Variants in TLL2 observed in about 807,000 individuals in gnomAD.
TLL2 encodes tolloid-like protein 2.
TLL2 carries 106 observed loss-of-function variants against 123.0 expected under a neutral mutation model. The observed-to-expected ratio is 0.86, with a 90% CI of 0.74 to 1.01. The LOEUF (loss-of-function observed/expected upper bound fraction) is 1.01, where lower values mean the gene tolerates loss of function less well. Ranked by LOEUF, TLL2 falls within the 50% of genes least tolerant of loss-of-function variation. The probability of loss-of-function intolerance (pLI) is 0.00; values close to 1 mark genes in which losing one functional copy is unlikely to be tolerated. For synonymous variants in TLL2, 494 were observed against 516.8 expected (o/e 0.96, Z 0.60); for missense variants, 1,332 against 1,336.7 (o/e 1.00, Z 0.06).
intron 16 of TLL2, among the ~76,000 whole-genome samples, chr10:96,379,714 C>T (rs1173280997): frequency 2.6e-5 from 4 of 152,108 alleles, no homozygotes; most frequent in Non-Finnish European, 4.4e-5. Flanking sequence ...CCCAGCTACG[C>T]GGGAGGCTGA....
intron 18 of TLL2, chr10:96,374,588 G>A (rs11818942): frequency 0.14 from 21,176 of 152,304 alleles, 1,651 homozygotes; most frequent in African/African-American, 0.2. Flanking sequence ...AGGAAGAGCT[G>A]TTATTATTTC....
chr10:96,379,995 G>A (rs1846171768), intron 16 of TLL2, among the ~76,000 whole-genome samples: 1 of 152,248 alleles, frequency 6.6e-6, no homozygotes, highest in Non-Finnish European at 1.5e-5. Flanking sequence ...CAGAGGGCCA[G>A]CCCTACCGCA....
intron 17 of TLL2, 143 bp from the exon 18 acceptor site, chr10:96,376,962 G>C: frequency 1.5e-6 from 1 of 669,564 alleles, no homozygotes; most frequent in Non-Finnish European, 2.3e-6. Context: ...TCCTGAATCA[G>C]GTATCTCCTG....
rs1846043162 is a variant in TLL2, at chr10:96,367,826, C to T, written c.*262G>A. On this transcript the variant is annotated 3_prime_UTR_variant, in exon 21 of 21. Coordinates refer to ENST00000357947, the MANE Select transcript of TLL2 (RefSeq NM_012465.4). Reference sequence around the variant, plus strand: ...GAAGCATAGCCGGAATGGTCAGTGACTTCAATCCTAATCTTTAACACTTTA... The same window carrying T: ...GAAGCATAGCCGGAATGGTCAGTGATTTCAATCCTAATCTTTAACACTTTA... 2 of 398,794 alleles carry T rather than the reference C, an allele frequency of 5.0e-6. No homozygotes were observed. The highest frequency in any genetic ancestry group is 4.6e-6 in the Non-Finnish European group (1 of 217,218). 24.7% of individuals were successfully genotyped at this position (398,794 alleles called of 1,614,324 possible).
intron 8 of TLL2, among the ~76,000 whole-genome samples, chr10:96,411,887 C>T (rs1292124911): frequency 6.6e-6 from 1 of 152,146 alleles, no homozygotes; most frequent in Non-Finnish European, 1.5e-5. Flanking sequence ...CATTACTGAA[C>T]AACTGCCAGG....
Position 96,405,295 on chromosome 10 carries a change from G to A in TLL2, c.1204C>T (p.Arg402Ter), listed in dbSNP as rs749171000. Residue 402 changes from arginine to a stop codon, truncating the protein, a stop_gained, in exon 10 of 21, where the codon CGA (arginine) becomes TGA (stop). Coordinates refer to ENST00000357947, the MANE Select transcript of TLL2 (RefSeq NM_012465.4). LOFTEE classifies it high-confidence loss of function. The part of the protein sequence containing the change: ...NFTSMDLFKS[R>*]LCWYDYVEVR... The stretch of plus-strand genomic sequence containing the variant: ...TCCACGTAATCATACCAGCACAGTC[G>A]GCTTTTAAACAAATCCATGGATGTG... The A allele has an allele frequency of 1.4e-5, 22 of 1,613,970 alleles. No individual in the cohort carries two copies. Among genetic ancestry groups the A allele is most frequent in the Admixed American group, 6.7e-5 (4 of 59,988 alleles).
At chr10:96,373,860 G>T (rs1233240166) in intron 18 of TLL2, 51 bp from the exon 19 acceptor site, 1 of 1,556,650 alleles carries the variant, frequency 6.4e-7, no homozygotes, top group Non-Finnish European at 8.8e-7. Flanking sequence ...TTCAGCTGGG[G>T]TGGGGGCCTC....
intron 6 of TLL2, 30 bp downstream of exon 6, chr10:96,422,519 G>A (rs765886298): frequency 1.2e-6 from 2 of 1,612,526 alleles, no homozygotes; most frequent in South Asian, 2.2e-5. Context: ...CTCGACCGGT[G>A]CCTTCCAGAC....
At position 96,387,012 on chromosome 10, in the gene TLL2, C is replaced by A; in HGVS notation, c.1793G>T (p.Ser598Ile). ...CEHRCVNTLGSYKCACDPGYE... is the reference protein window; with the variant it reads ...CEHRCVNTLGIYKCACDPGYE... ...GCCAGGGTCACAGGCACACTTGTAGCTGCCCAGCGTGTTCACACAGCGATG... is the reference window on the plus strand; with the variant it reads ...GCCAGGGTCACAGGCACACTTGTAGATGCCCAGCGTGTTCACACAGCGATG... The change falls in exon 14 of 21, where the codon AGC becomes ATC. Residue 598 changes from serine to isoleucine, a missense_variant. Ser to Ile is a moderately radical substitution (Grantham distance 142). Coordinates refer to ENST00000357947, the MANE Select transcript of TLL2 (RefSeq NM_012465.4). 1 of 1,614,142 alleles carries A rather than the reference C, an allele frequency of 6.2e-7. No individual in the cohort carries two copies.
Position 96,513,492 on chromosome 10 carries a change from C to A in TLL2, c.175+19G>T. 3.7e-6 allele frequency: 6 copies of A among 1,611,624 alleles called. No individual in the cohort carries two copies. Among genetic ancestry groups the A allele is most frequent in the Middle Eastern group, 1.7e-4 (1 of 6,058 alleles). Reference sequence around the variant, plus strand: ...TCAAAGGCAAACTTCTGCGGGACTTCCCCAGCGGCGGCACCTACCGGCTTT... The same window carrying A: ...TCAAAGGCAAACTTCTGCGGGACTTACCCAGCGGCGGCACCTACCGGCTTT... On this transcript the variant is annotated intron_variant, in intron 1 of 20. Coordinates refer to ENST00000357947, the MANE Select transcript of TLL2 (RefSeq NM_012465.4).
intron 3 of TLL2, among the ~76,000 whole-genome samples, chr10:96,436,063 G>A (rs947614995): frequency 6.6e-6 from 1 of 152,086 alleles, no homozygotes; most frequent in Non-Finnish European, 1.5e-5. Flanking sequence ...TATTCTTCAT[G>A]GTAGGGGTTA....
At chr10:96,486,861 A>T (rs533406236) in intron 1 of TLL2, among the ~76,000 whole-genome samples, 4 of 151,082 alleles carry the variant, frequency 2.6e-5, no homozygotes, top group African/African-American at 9.7e-5. Context: ...CTGCTGGGAA[A>T]CTCCTCCCAC....
chr10:96,367,883 A>G lies in TLL2; in HGVS notation c.*205T>C. 1.7e-6 allele frequency: 1 copy of G among 590,530 alleles called. No individual in the cohort carries two copies. Among genetic ancestry groups the G allele is most frequent in the Admixed American group, 3.0e-5 (1 of 33,056 alleles). The allele number at this position is 590,530 out of a possible 1,614,324, so 36.6% of individuals were successfully genotyped here. A position where few individuals can be genotyped will look rare whatever the true frequency, so the allele number is the denominator to read the frequency against. ...CATGAATGATAACATTGCAGACAGA[A>G]GCAAAAGAACATTTTTCTCTCCACC... On this transcript the variant is annotated 3_prime_UTR_variant, in exon 21 of 21. Coordinates refer to ENST00000357947, the MANE Select transcript of TLL2 (RefSeq NM_012465.4).
intron 3 of TLL2, among the ~76,000 whole-genome samples, chr10:96,440,339 A>G (rs1846839354): frequency 6.6e-6 from 1 of 152,250 alleles, no homozygotes; most frequent in Admixed American, 6.5e-5. Context: ...TGTATGAATT[A>G]AAGAAGGGAT....
At chr10:96,510,106 G>A (rs944731326) in intron 1 of TLL2, among the ~76,000 whole-genome samples, 2 of 152,160 alleles carry the variant, frequency 1.3e-5, no homozygotes, top group African/African-American at 2.4e-5. Flanking sequence ...TGAGTAAGGC[G>A]GGGCAGGGTC....
In TLL2 at chr10:96,428,732, A is replaced by G; in HGVS notation, c.537T>C (p.Ile179=). 1 of 1,613,230 alleles carries G rather than the reference A, an allele frequency of 6.2e-7. No homozygotes were observed. The highest frequency in any genetic ancestry group is 8.5e-7 in the Non-Finnish European group (1 of 1,179,520). ...CCCAGTGTCTCATGGCCTGCTTAAAAATGGCCCTCTGGCTCCCTGAAACAA... is the reference window on the plus strand; with the variant it reads ...CCCAGTGTCTCATGGCCTGCTTAAAGATGGCCCTCTGGCTCCCTGAAACAA... The part of the protein sequence containing the change: ...GGNFTGSQRA[I]FKQAMRHWEK... Residue 179 remains isoleucine, a synonymous_variant, in exon 5 of 21, where the codon ATT becomes ATC. Coordinates refer to ENST00000357947, the MANE Select transcript of TLL2 (RefSeq NM_012465.4).
intron 2 of TLL2, among the ~76,000 whole-genome samples, chr10:96,476,248 T>TTTTTTTTTTTTTTTTTGTTG (rs1285354320): frequency 4.3e-5 from 3 of 69,224 alleles, no homozygotes; most frequent in African/African-American, 6.2e-5. Flanking sequence ...ATATTTTATT[T>TTTTTTTTTTTTTTTTTGTTG]TTGTTGTTGT....
chr10:96,498,144 A>G (rs1847496583), intron 1 of TLL2, among the ~76,000 whole-genome samples: 1 of 152,222 alleles, frequency 6.6e-6, no homozygotes, highest in African/African-American at 2.4e-5. Context: ...TTGCAGAGCC[A>G]TAAGTTGCAA....
intron 2 of TLL2, 106 bp from the exon 3 acceptor site, chr10:96,446,274 C>T (rs898078944): frequency 4.9e-6 from 5 of 1,024,078 alleles, no homozygotes; most frequent in Middle Eastern, 5.9e-4. Context: ...ATCAGAATCA[C>T]CACGGATTCG....
Sources: allele counts gnomAD v4.1 joint callset (sites outside exome capture counted in the v4.1 genomes callset), GRCh38; gene constraint gnomAD v4.1.1; transcripts MANE v1.5; gene names NCBI Gene and HGNC (gene_info 2026-07-23, HGNC 2026-07-21).